Variants in EPHB1 observed in about 807,000 individuals in gnomAD.
EPHB1 encodes the protein ephrin type-B receptor 1.
In EPHB1, 30 loss-of-function variants were observed where a neutral mutation model predicts 94.4. The observed-to-expected ratio is 0.32, with a 90% CI of 0.24 to 0.43. The LOEUF (loss-of-function observed/expected upper bound fraction) is 0.43, where lower values mean the gene tolerates loss of function less well. Among genes scored for constraint, EPHB1 ranks in the 20% least tolerant of loss-of-function variants. EPHB1 has a pLI of 1.00. For missense variants in EPHB1, 1,055 were observed against 1,308.3 expected (o/e 0.81, Z 2.99); for synonymous variants, 522 against 489.1 (o/e 1.07, Z -0.89).
At chr3:135,235,085 T>C (rs921502929) in intron 12 of EPHB1, among the ~76,000 whole-genome samples, 3 of 152,220 alleles carry the variant, frequency 2.0e-5, no homozygotes, top group African/African-American at 7.2e-5. Context: ...GAAAGTTTTA[T>C]TTTTTGTTAG....
chr3:134,840,282 C>A (rs2108296297), intron 1 of EPHB1, among the ~76,000 whole-genome samples: 1 of 152,312 alleles, frequency 6.6e-6, no homozygotes, highest in African/African-American at 2.4e-5. Flanking sequence ...CAGATGCCTA[C>A]TGGGGGCCCA....
intron 12 of EPHB1, among the ~76,000 whole-genome samples, chr3:135,237,782 C>T (rs958738122): frequency 6.6e-6 from 1 of 152,198 alleles, no homozygotes; most frequent in Non-Finnish European, 1.5e-5. Flanking sequence ...GGAGCAAGCA[C>T]TCCTCTATGC....
chr3:135,132,054 T>A (rs752985653), intron 4 of EPHB1, among the ~76,000 whole-genome samples: 3 of 152,238 alleles, frequency 2.0e-5, no homozygotes, highest in Non-Finnish European at 4.4e-5. Flanking sequence ...TAGCAGAATG[T>A]CTAAACACAT....
At chr3:135,074,588 G>A (rs935413550) in intron 3 of EPHB1, among the ~76,000 whole-genome samples, 7 of 152,142 alleles carry the variant, frequency 4.6e-5, no homozygotes, top group Non-Finnish European at 1.0e-4. Context: ...TCTTAAATAT[G>A]TTATCGAAAC....
chr3:134,838,674 C>T (rs1243399689), intron 1 of EPHB1, among the ~76,000 whole-genome samples: 3 of 152,134 alleles, frequency 2.0e-5, no homozygotes, highest in African/African-American at 4.8e-5. Context: ...TAATCAATCA[C>T]GTGTAGCCTT....
chr3:134,814,608 T>G (rs1033035742), intron 1 of EPHB1, among the ~76,000 whole-genome samples: 5 of 152,176 alleles, frequency 3.3e-5, no homozygotes, highest in Non-Finnish European at 7.3e-5. Context: ...TTCCCTGTCC[T>G]GGGCCAGAAT....
At chr3:134,956,462 C>A (rs1486422039) in intron 3 of EPHB1, among the ~76,000 whole-genome samples, 1 of 152,176 alleles carries the variant, frequency 6.6e-6, no homozygotes, top group Non-Finnish European at 1.5e-5. Context: ...GCCTCTGCCC[C>A]TGCCCCAGGA....
At chr3:135,198,968 C>A (rs1559871947) in intron 11 of EPHB1, among the ~76,000 whole-genome samples, 3 of 152,274 alleles carry the variant, frequency 2.0e-5, no homozygotes, top group African/African-American at 2.4e-5. Flanking sequence ...ATTTCTTGGT[C>A]TTTTTTGACC....
At chr3:134,918,509 A>G (rs575625616) in intron 1 of EPHB1, among the ~76,000 whole-genome samples, 1 of 152,242 alleles carries the variant, frequency 6.6e-6, no homozygotes, top group Admixed American at 6.5e-5. Context: ...GTAAAGCAGC[A>G]TAGTAATAAT....
In EPHB1 at chr3:134,868,826, T is replaced by C. The variant is rs368463430; in HGVS notation, c.59-56990T>C. 1.6e-4 allele frequency among the ~76,000 whole-genome samples: 24 copies of C among 152,330 alleles called. No individual in the cohort carries two copies. The South Asian group carries it at 2.7e-3, about 17-fold the overall frequency. On this transcript the variant is annotated intron_variant, in intron 1 of 15. Coordinates refer to ENST00000398015, the MANE Select transcript of EPHB1 (RefSeq NM_004441.5). Reference sequence around the variant, plus strand: ...TAATAGACATTTGCACAAGGCACAATAGGGACCTCCAGATGGGAAAATAAT... The same window carrying C: ...TAATAGACATTTGCACAAGGCACAACAGGGACCTCCAGATGGGAAAATAAT...
At chr3:135,101,173 C>T (rs1319735354) in intron 3 of EPHB1, among the ~76,000 whole-genome samples, 1 of 152,170 alleles carries the variant, frequency 6.6e-6, no homozygotes, top group Non-Finnish European at 1.5e-5. Flanking sequence ...GTCGGCGGCT[C>T]TTCTCTTTCT....
At chr3:135,146,977 A>G (rs369331451) in intron 5 of EPHB1, among the ~76,000 whole-genome samples, 82 of 152,338 alleles carry the variant, frequency 5.4e-4, no homozygotes, top group African/African-American at 1.7e-3. Context: ...AATTAATAAC[A>G]TAAGAATTAA....
chr3:134,860,271 G>C (rs1411116180), intron 1 of EPHB1, among the ~76,000 whole-genome samples: 1 of 152,040 alleles, frequency 6.6e-6, no homozygotes, highest in Non-Finnish European at 1.5e-5. Flanking sequence ...GCCATACTCA[G>C]TGTTAAGGAC....
intron 12 of EPHB1, among the ~76,000 whole-genome samples, chr3:135,208,290 CGTGTGTGTGTGTGTGTGTGTGTGTGT>C (rs55947191): frequency 1.4e-5 from 2 of 142,782 alleles, no homozygotes; most frequent in African/African-American, 5.2e-5. Flanking sequence ...CCTTTCATGA[CGTGTGTGTGTGTGTGTGTGTGTGTGT>C]GTGTGTGTGT....
intron 3 of EPHB1, among the ~76,000 whole-genome samples, chr3:134,976,912 A>G (rs1415607810): frequency 6.6e-6 from 1 of 152,188 alleles, no homozygotes; most frequent in African/African-American, 2.4e-5. Context: ...CTCCTTGGAA[A>G]TGTAGGTGCT....
At chr3:135,062,650 G>A (rs1937530591) in intron 3 of EPHB1, among the ~76,000 whole-genome samples, 1 of 152,112 alleles carries the variant, frequency 6.6e-6, no homozygotes, top group East Asian at 1.9e-4. Flanking sequence ...TGTTTACTCT[G>A]CTGACTGTTT....
intron 1 of EPHB1, among the ~76,000 whole-genome samples, chr3:134,896,543 T>A (rs1400171029): frequency 6.6e-6 from 1 of 152,266 alleles, no homozygotes; most frequent in African/African-American, 2.4e-5. Flanking sequence ...GTGTTGTTGC[T>A]GACCTTTCTC....
At chr3:134,828,079 A>T (rs1006950223) in intron 1 of EPHB1, among the ~76,000 whole-genome samples, 7 of 152,090 alleles carry the variant, frequency 4.6e-5, no homozygotes, top group Non-Finnish European at 5.9e-5. Context: ...TGCCTGGTCC[A>T]TGGGTGGCTT....
intron 6 of EPHB1, among the ~76,000 whole-genome samples, chr3:135,161,011 A>G (rs1006206799): frequency 6.6e-6 from 1 of 152,186 alleles, no homozygotes; most frequent in African/African-American, 2.4e-5. Flanking sequence ...CCTTTGTATG[A>G]TGATAGTTTT....
Sources: gnomAD v4.1 joint callset for allele counts (sites outside exome capture counted in the v4.1 genomes callset) on GRCh38, gnomAD v4.1.1 for gene constraint, MANE v1.5 for transcripts, NCBI Gene and HGNC (gene_info 2026-07-23, HGNC 2026-07-21) for gene names.